The following SORCS1 variants were observed in gnomAD, a reference collection of about 807,000 sequenced individuals.
SORCS1 encodes the protein VPS10 domain-containing receptor SorCS1.
SORCS1 carries 60 observed loss-of-function variants against 146.1 expected under a neutral mutation model. That is an observed-to-expected ratio of 0.41 (90% CI 0.33 to 0.51). The LOEUF (loss-of-function observed/expected upper bound fraction) is 0.51, where lower values mean the gene tolerates loss of function less well. Ranked by LOEUF, SORCS1 falls within the 20% of genes least tolerant of loss-of-function variation. The pLI is 0.21. For synonymous variants in SORCS1, 637 were observed against 584.0 expected, an observed-to-expected ratio of 1.09 and a Z score of -1.31; for missense variants, 1,352 against 1,487.6, an observed-to-expected ratio of 0.91 and a Z score of 1.50.
At chr10:106,975,642 A>T (rs546252902) in intron 1 of SORCS1, among the ~76,000 whole-genome samples, 195 of 152,342 alleles carry the variant, frequency 1.3e-3, no homozygotes, top group African/African-American at 4.5e-3. Context: ...CTTCAGAAAC[A>T]CTGAAGGTTC....
chr10:106,792,750 G>A (rs924347336), intron 3 of SORCS1, among the ~76,000 whole-genome samples: 2 of 152,100 alleles, frequency 1.3e-5, no homozygotes, highest in Non-Finnish European at 2.9e-5. Context: ...TTTGACACAC[G>A]TTACACTCAA....
At chr10:106,770,479 G>T (rs1324903554) in intron 4 of SORCS1, among the ~76,000 whole-genome samples, 6 of 97,650 alleles carry the variant, frequency 6.1e-5, no homozygotes, top group African/African-American at 8.6e-5. Flanking sequence ...TCAAAAAATC[G>T]CAAAAAAAAA....
At chr10:106,813,439 G>A (rs1947578259) in intron 3 of SORCS1, among the ~76,000 whole-genome samples, 1 of 152,044 alleles carries the variant, frequency 6.6e-6, no homozygotes, top group African/African-American at 2.4e-5. Context: ...GGCCTGACAG[G>A]CGCATTTCTG....
chr10:107,047,453 T>C (rs1473774591), intron 1 of SORCS1, among the ~76,000 whole-genome samples: 1 of 152,240 alleles, frequency 6.6e-6, no homozygotes, highest in East Asian at 1.9e-4. Flanking sequence ...TTACTGTCGC[T>C]TTAACTCACT....
intron 3 of SORCS1, among the ~76,000 whole-genome samples, chr10:106,807,478 T>C (rs1947246892): frequency 6.6e-6 from 1 of 152,200 alleles, no homozygotes; most frequent in Admixed American, 6.5e-5. Flanking sequence ...CTCAGATGTT[T>C]GTAGATCCAT....
At chr10:107,022,147 C>T (rs547762917) in intron 1 of SORCS1, among the ~76,000 whole-genome samples, 42 of 152,198 alleles carry the variant, frequency 2.8e-4, no homozygotes, top group Non-Finnish European at 5.0e-4. Context: ...GGTTTCAGAA[C>T]CCACAAGCAA....
At chr10:107,154,004 T>C (rs1317266482) in intron 1 of SORCS1, among the ~76,000 whole-genome samples, 5 of 138,970 alleles carry the variant, frequency 3.6e-5, no homozygotes, top group Non-Finnish European at 7.7e-5. Flanking sequence ...ATTTCTTTTC[T>C]TTTCTTTTTT....
intron 1 of SORCS1, among the ~76,000 whole-genome samples, chr10:107,034,680 C>CAAAAAAAAAAAAAA (rs553032484): frequency 4.3e-4 from 6 of 13,796 alleles, no homozygotes; most frequent in African/African-American, 5.4e-4. Flanking sequence ...AACTCCATCT[C>CAAAAAAAAAAAAAA]AAAAAAAAAA....
intron 21 of SORCS1, among the ~76,000 whole-genome samples, chr10:106,614,667 G>A (rs936902815): frequency 6.6e-6 from 1 of 152,152 alleles, no homozygotes; most frequent in African/African-American, 2.4e-5. Context: ...CATCCACAAG[G>A]GAGAATGTTT....
At chr10:106,821,642 C>T (rs1948029248) in intron 3 of SORCS1, among the ~76,000 whole-genome samples, 1 of 152,140 alleles carries the variant, frequency 6.6e-6, no homozygotes, top group South Asian at 2.1e-4. Context: ...TTGTACTAGG[C>T]AGGGCATGGT....
chr10:106,655,657 T>C (rs1850229985), intron 17 of SORCS1, among the ~76,000 whole-genome samples: 1 of 152,184 alleles, frequency 6.6e-6, no homozygotes, highest in Non-Finnish European at 1.5e-5. Flanking sequence ...GAAAAGGCTG[T>C]TGGTAATTTT....
chr10:106,821,405 T>C (rs1948016245), intron 3 of SORCS1, among the ~76,000 whole-genome samples: 1 of 152,224 alleles, frequency 6.6e-6, no homozygotes, highest in African/African-American at 2.4e-5. Context: ...TAAATACCTG[T>C]ATCTTTTAAA....
intron 1 of SORCS1, among the ~76,000 whole-genome samples, chr10:107,038,326 G>A (rs983901069): frequency 2.3e-5 from 3 of 132,410 alleles, no homozygotes; most frequent in Non-Finnish European, 4.6e-5. Context: ...AGCTGAGAAG[G>A]AAAAGCAAGC....
In SORCS1 at chr10:106,630,848, T is replaced by TAA. The variant is rs200290220; in HGVS notation, c.2476-1462_2476-1461dup. ...TCTGCATTATAAAATCCCAGACCTG[T>TAA]AAAAAAAAAAAAGAAATGGCCTTTG... On this transcript the variant is annotated intron_variant, in intron 18 of 25. Transcript: ENST00000263054. 2.1e-4 allele frequency among the ~76,000 whole-genome samples: 30 copies of TAA among 142,192 alleles called. No individual in the cohort carries two copies. The South Asian group carries it at 3.8e-3, about 18-fold the overall frequency. The allele number at this position is 142,192 out of a possible 152,430, so 93.3% of individuals were successfully genotyped here.
At chr10:107,116,890 T>C (rs1393822928) in intron 1 of SORCS1, among the ~76,000 whole-genome samples, 1 of 152,226 alleles carries the variant, frequency 6.6e-6, no homozygotes, top group African/African-American at 2.4e-5. Flanking sequence ...AACAGATTTA[T>C]TAAATGTCTT....
rs115576690 is a variant in SORCS1 at position 106,720,298 on chromosome 10, G to A, written c.1024+9752C>T. Among the ~76,000 whole-genome samples, 473 of 152,140 alleles carry A rather than the reference G, an allele frequency of 3.1e-3. 1 individual carries two copies. Among genetic ancestry groups the A allele is most frequent in the Middle Eastern group, 0.014 (4 of 292 alleles). Reference sequence around the variant, plus strand: ...AATGAATGAATAATAGGTCCAGAGTGAAACAGACCTGGCTTTAAATCCTAA... The same window carrying A: ...AATGAATGAATAATAGGTCCAGAGTAAAACAGACCTGGCTTTAAATCCTAA... On this transcript the variant is annotated intron_variant, in intron 6 of 25. Coordinates refer to ENST00000263054, the MANE Select transcript of SORCS1 (RefSeq NM_052918.5).
At chr10:107,178,767 C>A in the SORCS1 span, among the ~76,000 whole-genome samples, 4 of 152,002 alleles carry the variant, frequency 2.6e-5, no homozygotes, top group Non-Finnish European at 4.4e-5. Flanking sequence ...GGATTACAGG[C>A]GTGAGCCACT....
At chr10:107,070,046 C>T (rs1962282498) in intron 1 of SORCS1, among the ~76,000 whole-genome samples, 1 of 152,180 alleles carries the variant, frequency 6.6e-6, no homozygotes, top group African/African-American at 2.4e-5. Context: ...GAAGTGTCTA[C>T]TCAGAATATT....
At chr10:107,034,497 T>C (rs534383234) in intron 1 of SORCS1, among the ~76,000 whole-genome samples, 22 of 151,252 alleles carry the variant, frequency 1.5e-4, no homozygotes, top group Non-Finnish European at 2.7e-4. Flanking sequence ...CTGGCCAACA[T>C]GGAGAAACCC....
Sources: gnomAD v4.1 joint callset for allele counts (sites outside exome capture counted in the v4.1 genomes callset) on GRCh38, gnomAD v4.1.1 for gene constraint, MANE v1.5 for transcripts, NCBI Gene and HGNC (gene_info 2026-07-23, HGNC 2026-07-21) for gene names.